Variants in HSD17B12 observed in about 807,000 individuals in gnomAD.
HSD17B12 encodes hydroxysteroid 17-beta dehydrogenase 12, also known as very-long-chain 3-oxoacyl-CoA reductase.
Under a neutral mutation model 39.3 loss-of-function variants are expected in HSD17B12, and 32 were observed. That is an observed-to-expected ratio of 0.81 (90% CI 0.61 to 1.09). HSD17B12 has a LOEUF of 1.09. Among genes scored for constraint, HSD17B12 ranks in the 50% least tolerant of loss-of-function variants. The pLI is 0.00. For missense variants in HSD17B12, 342 were observed against 382.9 expected, an observed-to-expected ratio of 0.89 and a Z score of 0.89; for synonymous variants, 150 against 146.7, an observed-to-expected ratio of 1.02 and a Z score of -0.16.
At chr11:43,572,675 T>C in the HSD17B12 span, among the ~76,000 whole-genome samples, 1 of 152,218 alleles carries the variant, frequency 6.6e-6, no homozygotes, top group African/African-American at 2.4e-5. Context: ...GGTACCATTA[T>C]CATAATGACA....
chr11:43,625,676 A>G, the HSD17B12 span, among the ~76,000 whole-genome samples: 1 of 151,432 alleles, frequency 6.6e-6, no homozygotes, highest in African/African-American at 2.4e-5. Flanking sequence ...TTTGCCAGGT[A>G]GGAATATTTT....
the HSD17B12 span, among the ~76,000 whole-genome samples, chr11:43,575,669 C>G: frequency 6.6e-6 from 1 of 152,198 alleles, no homozygotes; most frequent in Non-Finnish European, 1.5e-5. This position sits in a 1 kb window ranked among gnomAD's most constrained non-coding sequence, Gnocchi z 4.1. Context: ...GCGCTGTCTC[C>G]GAGCAGAAGC....
At chr11:43,617,310 C>T in the HSD17B12 span, among the ~76,000 whole-genome samples, 1 of 152,122 alleles carries the variant, frequency 6.6e-6, no homozygotes, top group African/African-American at 2.4e-5. Context: ...AGTTTGAAAA[C>T]ATTGTCTCCC....
At chr11:43,766,509 G>A (rs1000828179) in intron 3 of HSD17B12, among the ~76,000 whole-genome samples, 10 of 152,302 alleles carry the variant, frequency 6.6e-5, no homozygotes, top group East Asian at 1.9e-4. Flanking sequence ...CTGTTACACC[G>A]TCATGGCCAG....
chr11:43,634,075 C>CAAAAAAAAAAAAAAAAAAAAAAAAA, the HSD17B12 span, among the ~76,000 whole-genome samples: 7 of 37,564 alleles, frequency 1.9e-4, no homozygotes, highest in Non-Finnish European at 2.7e-4. Context: ...AACTCCATCT[C>CAAAAAAAAAAAAAAAAAAAAAAAAA]AAAAAAAAAA....
chr11:43,652,939 C>T, the HSD17B12 span, among the ~76,000 whole-genome samples: 2 of 152,090 alleles, frequency 1.3e-5, no homozygotes, highest in Non-Finnish European at 1.5e-5. Flanking sequence ...TGAGGAAACC[C>T]AGTAAGGCTG....
chr11:43,803,110 T>A (rs1182966465), intron 4 of HSD17B12, among the ~76,000 whole-genome samples: 1 of 152,238 alleles, frequency 6.6e-6, no homozygotes, highest in Non-Finnish European at 1.5e-5. Flanking sequence ...TTTCTCAAGA[T>A]TTTCGATGGA....
chr11:43,652,826 A>T, the HSD17B12 span, among the ~76,000 whole-genome samples: 31 of 152,146 alleles, frequency 2.0e-4, no homozygotes, highest in South Asian at 4.6e-3. Flanking sequence ...TTCTATGGAG[A>T]CTTCGTTGGT....
At chr11:43,600,440 C>T in the HSD17B12 span, among the ~76,000 whole-genome samples, 2 of 151,896 alleles carry the variant, frequency 1.3e-5, no homozygotes, top group Non-Finnish European at 2.9e-5. Context: ...GTTATTTATC[C>T]ATTGTATTCA....
At chr11:43,688,710 A>G (rs2134774758) in intron 1 of HSD17B12, among the ~76,000 whole-genome samples, 1 of 152,356 alleles carries the variant, frequency 6.6e-6, no homozygotes, top group South Asian at 2.1e-4. Context: ...ATTGGGAAAC[A>G]GTATAGCTAA....
At chr11:43,727,682 G>C (rs1950233336) in intron 1 of HSD17B12, among the ~76,000 whole-genome samples, 1 of 152,200 alleles carries the variant, frequency 6.6e-6, no homozygotes, top group South Asian at 2.1e-4. Context: ...TTAATGCTGA[G>C]TTTTACAACT....
At chr11:43,838,226 G>C (rs1047881167) in intron 7 of HSD17B12, 91 bp from the exon 8 acceptor site, 12 of 891,920 alleles carry the variant, frequency 1.3e-5, no homozygotes, top group East Asian at 9.7e-5. Context: ...ACATTATTCT[G>C]TTTCGAATAA....
At chr11:43,736,857 G>A (rs1950320729) in intron 1 of HSD17B12, among the ~76,000 whole-genome samples, 1 of 152,134 alleles carries the variant, frequency 6.6e-6, no homozygotes, top group Admixed American at 6.5e-5. Context: ...TCTAAATTCA[G>A]CACTGCTAAG....
intron 3 of HSD17B12, among the ~76,000 whole-genome samples, chr11:43,787,197 C>T (rs1333688435): frequency 6.6e-6 from 1 of 152,134 alleles, no homozygotes; most frequent in Non-Finnish European, 1.5e-5. Context: ...CCGCCTCCGC[C>T]TCCCAAAGTG....
At chr11:43,631,060 T>C in the HSD17B12 span, among the ~76,000 whole-genome samples, 1 of 152,134 alleles carries the variant, frequency 6.6e-6, no homozygotes, top group Non-Finnish European at 1.5e-5. Context: ...CTGCCTTGGC[T>C]TCCCAAAGTG....
At position 43,749,573 on chromosome 11, in the gene HSD17B12, G is replaced by A. The variant is rs58473779; in HGVS notation, c.161-1338G>A. Among the ~76,000 whole-genome samples, 647 of 152,100 alleles carry A rather than the reference G, an allele frequency of 4.3e-3. 2 individuals carry two copies. The highest frequency in any genetic ancestry group is 0.015 in the African/African-American group (624 of 41,520). ...GGTTAACCTCAAGTTGTTGATTGGT[G>A]AAGCTGAGCTATGGGTACCTAGGGG... is the stretch of plus-strand genomic sequence containing the variant. On this transcript the variant is annotated intron_variant, in intron 1 of 10. Transcript: ENST00000278353.
At chr11:43,627,486 A>C in the HSD17B12 span, among the ~76,000 whole-genome samples, 103,198 of 151,700 alleles carry the variant, frequency 0.68, 35,384 homozygotes, top group East Asian at 0.81. Context: ...TTTAAATTAA[A>C]TTTTAAAAAC....
the HSD17B12 span, among the ~76,000 whole-genome samples, chr11:43,587,634 G>A: frequency 6.6e-6 from 1 of 152,200 alleles, no homozygotes; most frequent in Non-Finnish European, 1.5e-5. Flanking sequence ...AGGCAGACGT[G>A]GAGCTGAGGA....
chr11:43,565,438 C>T, the HSD17B12 span, among the ~76,000 whole-genome samples: 19 of 152,288 alleles, frequency 1.2e-4, no homozygotes, highest in Admixed American at 1.2e-3. Context: ...CCTCTGCCTC[C>T]CCTAGCTGGT....
Sources: allele counts gnomAD v4.1 joint callset (sites outside exome capture counted in the v4.1 genomes callset), GRCh38; gene constraint gnomAD v4.1.1; non-coding constraint Gnocchi (gnomAD v3.1); transcripts MANE v1.5; gene names NCBI Gene and HGNC (gene_info 2026-07-23, HGNC 2026-07-21).